PCDH11Y: variants seen among roughly 807,000 people sequenced by gnomAD.
The protein encoded by PCDH11Y is protocadherin 11 Y-linked, also known as protocadherin-11 Y-linked.
For synonymous variants in PCDH11Y, 9 were observed against 83.6 expected, an observed-to-expected ratio of 0.11 and a Z score of 4.87; for missense variants, 12 against 224.8, an observed-to-expected ratio of 0.05 and a Z score of 6.05.
chrY:5,396,887 G>T (rs2053227901), intron 2 of PCDH11Y, among the ~76,000 whole-genome samples: 1 of 31,901 alleles, frequency 3.1e-5, no homozygotes, highest in East Asian at 8.2e-4. Context: ...CTCCTGGGTA[G>T]CTGGGATTAC....
chrY:5,674,673 T>C, intron 4 of PCDH11Y, among the ~76,000 whole-genome samples: 1 of 33,754 alleles, frequency 3.0e-5, no homozygotes, highest in Non-Finnish European at 7.3e-5. Flanking sequence ...AATATAATAA[T>C]ACTGTAATCC....
intron 2 of PCDH11Y, among the ~76,000 whole-genome samples, chrY:5,209,217 T>C: frequency 3.0e-5 from 1 of 32,837 alleles, no homozygotes; most frequent in Non-Finnish European, 7.5e-5. Flanking sequence ...ACTTTAGGTA[T>C]CCGTGGATCA....
intron 1 of PCDH11Y, among the ~76,000 whole-genome samples, chrY:5,062,058 T>C: frequency 3.0e-5 from 1 of 33,122 alleles, no homozygotes; most frequent in East Asian, 8.0e-4. Flanking sequence ...GATTTAGAAA[T>C]CTTGATTTAA....
intron 2 of PCDH11Y, among the ~76,000 whole-genome samples, chrY:5,470,987 G>A (rs2053313640): frequency 3.4e-5 from 1 of 29,838 alleles, no homozygotes; most frequent in Non-Finnish European, 8.2e-5. Flanking sequence ...TACACAGTAT[G>A]ATAAAAGCAA....
intron 4 of PCDH11Y, among the ~76,000 whole-genome samples, chrY:5,672,319 T>A: frequency 3.1e-5 from 1 of 32,195 alleles, no homozygotes; most frequent in Non-Finnish European, 7.6e-5. Flanking sequence ...CTACCTCTAT[T>A]TTTAAGAATT....
At chrY:5,525,943 CTG>C (rs752117151) in intron 3 of PCDH11Y, among the ~76,000 whole-genome samples, 81 of 28,281 alleles carry the variant, frequency 2.9e-3, no homozygotes, top group African/African-American at 7.3e-3. Context: ...CTCTCTCTCT[CTG>C]TGTGTGTGTG....
chrY:5,438,982 C>G (rs2124681463), intron 2 of PCDH11Y, among the ~76,000 whole-genome samples: 1 of 24,041 alleles, frequency 4.2e-5, no homozygotes, highest in East Asian at 1.0e-3. Flanking sequence ...TCTCTTGTCT[C>G]TTCTTTGTGT....
intron 3 of PCDH11Y, among the ~76,000 whole-genome samples, chrY:5,559,294 A>T: frequency 3.0e-5 from 1 of 33,017 alleles, no homozygotes; most frequent in Admixed American, 2.8e-4. Context: ...CCTTCAAGGC[A>T]TCACAAAGCA....
intron 2 of PCDH11Y, among the ~76,000 whole-genome samples, chrY:5,281,882 A>G: frequency 3.3e-5 from 1 of 30,450 alleles, no homozygotes; most frequent in Non-Finnish European, 7.9e-5. Context: ...AGTGGGAGCT[A>G]TAATTGATAG....
At chrY:5,538,004 G>C in intron 3 of PCDH11Y, among the ~76,000 whole-genome samples, 1 of 33,549 alleles carries the variant, frequency 3.0e-5, no homozygotes, top group Non-Finnish European at 7.4e-5. Flanking sequence ...CAGCTCAGCT[G>C]ATGCTTATGT....
intron 4 of PCDH11Y, among the ~76,000 whole-genome samples, chrY:5,594,252 C>G (rs2053465074): frequency 3.1e-4 from 10 of 32,573 alleles, no homozygotes; most frequent in Non-Finnish European, 6.0e-4. Flanking sequence ...AGGCAGAGGT[C>G]CCCACTCAGG....
At chrY:5,637,316 CT>C (rs2053518759) in intron 4 of PCDH11Y, among the ~76,000 whole-genome samples, 1 of 33,696 alleles carries the variant, frequency 3.0e-5, no homozygotes, top group Non-Finnish European at 7.4e-5. Flanking sequence ...AGTTGAATCT[CT>C]TTCCTATCTG....
chrY:5,319,524 T>C lies in PCDH11Y; in HGVS notation c.3130-181533T>C. ...CAATATTTAAATTACATTAAAGATA[T>C]ATCCAAGAACAAAGGCCCTTCATTG... is the stretch of plus-strand genomic sequence containing the variant. On this transcript the variant is annotated intron_variant, in intron 2 of 4. Transcript: ENST00000400457. Among the ~76,000 whole-genome samples, 3 of 33,573 alleles carry C rather than the reference T, an allele frequency of 8.9e-5. No homozygotes were observed. In the East Asian group the frequency reaches 2.3e-3, roughly 26 times the overall value. 90.1% of individuals were successfully genotyped at this position (33,573 alleles called of 37,273 possible).
intron 2 of PCDH11Y, among the ~76,000 whole-genome samples, chrY:5,401,210 A>G (rs2053233662): frequency 4.0e-5 from 1 of 24,693 alleles, no homozygotes. Flanking sequence ...AAATAAGTTC[A>G]TGTATCTAAA....
chrY:5,065,809 A>G, intron 1 of PCDH11Y, among the ~76,000 whole-genome samples: 4 of 31,641 alleles, frequency 1.3e-4, no homozygotes, highest in Admixed American at 9.0e-4. Context: ...GGCCCTCCAT[A>G]TGACAGTGAT....
chrY:5,148,719 C>T, intron 2 of PCDH11Y, among the ~76,000 whole-genome samples: 1 of 32,694 alleles, frequency 3.1e-5, no homozygotes, highest in Non-Finnish European at 7.5e-5. Flanking sequence ...CTGCTCAGAA[C>T]AGTTACATTA....
intron 2 of PCDH11Y, among the ~76,000 whole-genome samples, chrY:5,340,649 C>T: frequency 3.0e-5 from 1 of 33,658 alleles, no homozygotes; most frequent in African/African-American, 1.2e-4. Flanking sequence ...TTAGTTAGCT[C>T]AACACTTAGC....
At chrY:5,138,245 T>G in intron 2 of PCDH11Y, among the ~76,000 whole-genome samples, 1 of 32,773 alleles carries the variant, frequency 3.1e-5, no homozygotes, top group Non-Finnish European at 7.5e-5. Context: ...ACCTCTGGGA[T>G]ACAAAAAAAG....
chrY:5,075,371 G>A (rs2052706649), intron 1 of PCDH11Y, among the ~76,000 whole-genome samples: 1 of 32,960 alleles, frequency 3.0e-5, no homozygotes, highest in African/African-American at 1.2e-4. Flanking sequence ...TGATCACATC[G>A]TGGTAAATGG....
Sources: gnomAD v4.1 joint callset for allele counts (sites outside exome capture counted in the v4.1 genomes callset) on GRCh38, gnomAD v4.1.1 for gene constraint, MANE v1.5 for transcripts, NCBI Gene and HGNC (gene_info 2026-07-23, HGNC 2026-07-21) for gene names.